Variants in RFX8 observed in about 807,000 individuals in gnomAD.
RFX8 encodes the protein regulatory factor X8, also known as DNA-binding protein RFX8.
RFX8 carries 46 observed loss-of-function variants against 54.6 expected under a neutral mutation model. The ratio of observed to expected loss-of-function variants is 0.84; its 90% confidence interval spans 0.67 to 1.08. The LOEUF is 1.08. Among genes scored for constraint, RFX8 ranks in the 50% least tolerant of loss-of-function variants. The pLI, the probability that RFX8 is intolerant of heterozygous loss-of-function variation, is 0.00. For missense variants in RFX8, 536 were observed against 562.3 expected (o/e 0.95, Z 0.47); for synonymous variants, 192 against 209.5 (o/e 0.92, Z 0.72).
At position 101,444,636 on chromosome 2, in the gene RFX8, T is replaced by A. The variant is rs1391688862; in HGVS notation, c.72+22141A>T. On this transcript the variant is annotated intron_variant, in intron 2 of 11. Coordinates refer to ENST00000428343, the MANE Select transcript of RFX8 (RefSeq NM_001145664.2). Reference sequence around the variant, plus strand: ...TAATTGTGAATTCTCTTGAAACAAATGAAAAAATTGAAAACCTCAGCAAAG... The same window carrying A: ...TAATTGTGAATTCTCTTGAAACAAAAGAAAAAATTGAAAACCTCAGCAAAG... Among the ~76,000 whole-genome samples, 5 of 151,830 alleles carry A rather than the reference T, an allele frequency of 3.3e-5. No individual in the cohort carries two copies. In the South Asian group the frequency reaches 1.0e-3, roughly 31 times the overall value.
chr2:101,399,205 C>T (rs2104504929), intron 11 of RFX8, among the ~76,000 whole-genome samples: 1 of 152,292 alleles, frequency 6.6e-6, no homozygotes, highest in Admixed American at 6.5e-5. Context: ...AATGAGGCTG[C>T]CACAGCTGTG....
chr2:101,460,717 G>T (rs1281836728), intron 2 of RFX8, among the ~76,000 whole-genome samples: 1 of 150,676 alleles, frequency 6.6e-6, no homozygotes, highest in Non-Finnish European at 1.5e-5. Flanking sequence ...CTTCTGCTTG[G>T]TTTCATGTTG....
intron 10 of RFX8, among the ~76,000 whole-genome samples, chr2:101,403,342 A>G (rs7573963): frequency 1.6e-4 from 24 of 152,242 alleles, no homozygotes; most frequent in African/African-American, 5.8e-4. Flanking sequence ...ACTTAGCTGA[A>G]TGCTCCAAAT....
intron 8 of RFX8, among the ~76,000 whole-genome samples, 197 bp from the exon 9 acceptor site, chr2:101,410,910 T>C (rs989342909): frequency 2.6e-5 from 4 of 152,232 alleles, no homozygotes; most frequent in Non-Finnish European, 5.9e-5. Context: ...CTATTCAGAA[T>C]TACATGGACA....
intron 2 of RFX8, among the ~76,000 whole-genome samples, chr2:101,439,609 T>TC (rs201366605): frequency 3.3e-5 from 5 of 151,946 alleles, no homozygotes; most frequent in Non-Finnish European, 5.9e-5. Flanking sequence ...TTTTTTTTTT[T>TC]TGCCTGTGGG....
chr2:101,433,867 T>C (rs2104620142), intron 2 of RFX8, among the ~76,000 whole-genome samples: 1 of 152,354 alleles, frequency 6.6e-6, no homozygotes, highest in Admixed American at 6.5e-5. Flanking sequence ...AAGTAATTAT[T>C]TTGGTTTTGA....
intron 2 of RFX8, among the ~76,000 whole-genome samples, chr2:101,457,573 C>G (rs1573471358): frequency 6.6e-6 from 1 of 152,146 alleles, no homozygotes; most frequent in Admixed American, 6.6e-5. Context: ...GTCTGAGAGA[C>G]AGTTTGTTAT....
intron 4 of RFX8, chr2:101,421,509 G>A (rs1012275997): frequency 7.9e-7 from 1 of 1,271,864 alleles, no homozygotes; most frequent in Admixed American, 4.1e-5. Flanking sequence ...TTAGCACCTT[G>A]GAGAATTTCC....
At position 101,469,042 on chromosome 2, in the gene RFX8, GTA is replaced by G. The variant is rs1247479491; in HGVS notation, c.-52-2144_-52-2143del. On this transcript the variant is annotated intron_variant, in intron 1 of 11. Transcript: ENST00000428343. ...GGTATATATATATACGTATATATAT[GTA>G]TATATATATACGTATATATATGTAT... Among the ~76,000 whole-genome samples, 104 of 23,574 alleles carry G rather than the reference GTA, an allele frequency of 4.4e-3. 1 individual carries two copies. The highest frequency in any genetic ancestry group is 8.7e-3 in the Admixed American group (25 of 2,870). 15.5% of individuals were successfully genotyped at this position (23,574 alleles called of 152,430 possible). A position where few individuals can be genotyped will look rare whatever the true frequency, so the allele number is the denominator to read the frequency against.
intron 2 of RFX8, among the ~76,000 whole-genome samples, chr2:101,429,921 G>A (rs1346312403): frequency 6.6e-6 from 1 of 152,122 alleles, no homozygotes; most frequent in East Asian, 1.9e-4. Context: ...ATGGTTCTAC[G>A]TCCTCCCCAG....
intron 2 of RFX8, among the ~76,000 whole-genome samples, chr2:101,437,746 G>A (rs9710923): frequency 0.76 from 114,991 of 151,948 alleles, 44,457 homozygotes; most frequent in Middle Eastern, 0.88. Flanking sequence ...AGATACTGAC[G>A]TTGATACACT....
intron 2 of RFX8, among the ~76,000 whole-genome samples, chr2:101,460,850 A>G (rs1442214407): frequency 6.6e-6 from 1 of 151,264 alleles, no homozygotes; most frequent in Non-Finnish European, 1.5e-5. Context: ...GGAAGTCCAC[A>G]CAAGCTGGGA....
At chr2:101,464,463 C>A (rs1689464836) in intron 2 of RFX8, among the ~76,000 whole-genome samples, 1 of 152,274 alleles carries the variant, frequency 6.6e-6, no homozygotes, top group South Asian at 2.1e-4. Flanking sequence ...GGTGAGAAAC[C>A]GACTCTATTC....
chr2:101,399,473 T>A (rs1311344497), intron 11 of RFX8, among the ~76,000 whole-genome samples: 2 of 152,202 alleles, frequency 1.3e-5, no homozygotes, highest in Non-Finnish European at 2.9e-5. Flanking sequence ...TATTCTGTAG[T>A]TCAATTAAGT....
rs1435286350 is a variant in RFX8, at chr2:101,468,996, ATATATACG to A, written c.-52-2104_-52-2097del. Among the ~76,000 whole-genome samples, 335 of 32,138 alleles carry A rather than the reference ATATATACG, an allele frequency of 0.01. 18 individuals carry two copies. In the East Asian group the frequency reaches 0.15, roughly 14 times the overall value. 21.1% of individuals were successfully genotyped at this position (32,138 alleles called of 152,430 possible). On this transcript the variant is annotated intron_variant, in intron 1 of 11. Coordinates refer to ENST00000428343, the MANE Select transcript of RFX8 (RefSeq NM_001145664.2). ...TATGTAAGTATATATATATAAGTAT[ATATATACG>A]TATATATATATAGGTATATATATAT... is the stretch of plus-strand genomic sequence containing the variant.
chr2:101,447,664 C>A (rs983660547), intron 2 of RFX8, among the ~76,000 whole-genome samples: 8 of 152,192 alleles, frequency 5.3e-5, no homozygotes, highest in African/African-American at 1.9e-4. Context: ...CATAATATAT[C>A]ATTAACTATA....
chr2:101,469,708 AC>A (rs1305780737), intron 1 of RFX8, among the ~76,000 whole-genome samples: 2 of 152,256 alleles, frequency 1.3e-5, no homozygotes, highest in Non-Finnish European at 2.9e-5. Context: ...CTTTCCTGTG[AC>A]AGACGCTCAT....
At chr2:101,421,937 A>G (rs1463985111) in intron 3 of RFX8, among the ~76,000 whole-genome samples, 160 bp from the exon 4 acceptor site, 1 of 152,170 alleles carries the variant, frequency 6.6e-6, no homozygotes, top group African/African-American at 2.4e-5. Context: ...TTTTGTTTCT[A>G]TGAACTAATG....
chr2:101,410,714 C>G lies in RFX8; in HGVS notation c.719-1G>C, dbSNP rs139287885. 1,606 of 1,469,798 alleles carry G rather than the reference C, an allele frequency of 1.1e-3. 17 individuals are homozygous for G. In the African/African-American group the frequency reaches 0.02, roughly 18 times the overall value. The allele number at this position is 1,469,798 out of a possible 1,614,324, so 91.0% of individuals were successfully genotyped here. A position where few individuals can be genotyped will look rare whatever the true frequency, so the allele number is the denominator to read the frequency against. ...AGCAAAGAAATTAAGTTTCTTAAACCTACAAAGACACAAAATAAACAAACA... is the reference window on the plus strand; with the variant it reads ...AGCAAAGAAATTAAGTTTCTTAAACGTACAAAGACACAAAATAAACAAACA... On this transcript the variant is annotated splice_acceptor_variant, in intron 8 of 11. Coordinates refer to ENST00000428343, the MANE Select transcript of RFX8 (RefSeq NM_001145664.2). LOFTEE classifies it high-confidence loss of function.
Sources: gnomAD v4.1 joint callset for allele counts (sites outside exome capture counted in the v4.1 genomes callset) on GRCh38, gnomAD v4.1.1 for gene constraint, MANE v1.5 for transcripts, NCBI Gene and HGNC (gene_info 2026-07-23, HGNC 2026-07-21) for gene names.